Variants in ZNF385B observed in about 807,000 individuals in gnomAD.
The protein encoded by ZNF385B is zinc finger protein 533.
ZNF385B carries 23 observed loss-of-function variants against 39.2 expected under a neutral mutation model. That is an observed-to-expected ratio of 0.59 (90% CI 0.42 to 0.83). The LOEUF (loss-of-function observed/expected upper bound fraction) is 0.83. Among genes scored for constraint, ZNF385B ranks in the 40% least tolerant of loss-of-function variants. The probability of loss-of-function intolerance (pLI) is 0.00; values close to 1 mark genes in which losing one functional copy is unlikely to be tolerated. For missense variants in ZNF385B, 552 were observed against 598.9 expected, an observed-to-expected ratio of 0.92 and a Z score of 0.82; for synonymous variants, 205 against 222.6, an observed-to-expected ratio of 0.92 and a Z score of 0.70.
At chr2:179,809,147 T>C (rs1196758513) in intron 1 of ZNF385B, among the ~76,000 whole-genome samples, 3 of 152,206 alleles carry the variant, frequency 2.0e-5, no homozygotes, top group Non-Finnish European at 4.4e-5. Flanking sequence ...TTAGTATCCA[T>C]GTATTAGTTT....
rs1345533945 is a variant in ZNF385B, at chr2:179,572,240, T to C, written c.299-27271A>G. Reference sequence around the variant, plus strand: ...AATAAAAAAATCCATGTATTCAAAATCCAACTGATTTTCAACGATGGCTAA... The same window carrying C: ...AATAAAAAAATCCATGTATTCAAAACCCAACTGATTTTCAACGATGGCTAA... On this transcript the variant is annotated intron_variant, in intron 3 of 9. Coordinates refer to ENST00000410066, the MANE Select transcript of ZNF385B (RefSeq NM_152520.6). 2.0e-4 allele frequency among the ~76,000 whole-genome samples: 30 copies of C among 152,230 alleles called. 1 individual carries two copies. The highest frequency in any genetic ancestry group is 1.9e-3 in the Admixed American group (29 of 15,294).
intron 3 of ZNF385B, among the ~76,000 whole-genome samples, chr2:179,598,080 T>C (rs191669376): frequency 4.0e-5 from 6 of 151,224 alleles, no homozygotes; most frequent in African/African-American, 9.6e-5. Flanking sequence ...AGTAAAGTGC[T>C]TTTTTTTATA....
intron 1 of ZNF385B, among the ~76,000 whole-genome samples, chr2:179,791,989 T>C (rs1479721447): frequency 6.6e-6 from 1 of 152,162 alleles, no homozygotes; most frequent in Non-Finnish European, 1.5e-5. Context: ...CTCAAACTCC[T>C]GACCTCAAGT....
chr2:179,677,642 T>G (rs768205714), intron 3 of ZNF385B, among the ~76,000 whole-genome samples: 18 of 152,180 alleles, frequency 1.2e-4, no homozygotes, highest in South Asian at 2.1e-4. Context: ...AGCATGTGAC[T>G]TAGATAATAG....
intron 6 of ZNF385B, among the ~76,000 whole-genome samples, chr2:179,449,537 C>T (rs1473970608): frequency 6.6e-6 from 1 of 152,140 alleles, no homozygotes; most frequent in East Asian, 1.9e-4. Flanking sequence ...AGGAATCCAA[C>T]TTACAAGGGA....
intron 6 of ZNF385B, among the ~76,000 whole-genome samples, chr2:179,467,311 C>T (rs941647274): frequency 6.6e-6 from 1 of 152,108 alleles, no homozygotes; most frequent in East Asian, 1.9e-4. Flanking sequence ...CTCATAACAC[C>T]CACTAGTTAG....
chr2:179,444,282 C>T (rs1193381034), intron 9 of ZNF385B, among the ~76,000 whole-genome samples: 1 of 152,106 alleles, frequency 6.6e-6, no homozygotes. Flanking sequence ...GGGCCCAGTC[C>T]CAGGGAGATT....
chr2:179,721,380 A>G (rs935170769), intron 3 of ZNF385B, among the ~76,000 whole-genome samples: 4 of 152,172 alleles, frequency 2.6e-5, no homozygotes, highest in African/African-American at 9.6e-5. Context: ...GATTGGTTAT[A>G]AAGGTGAGTT....
At chr2:179,672,311 G>A (rs1696126495) in intron 3 of ZNF385B, among the ~76,000 whole-genome samples, 1 of 152,218 alleles carries the variant, frequency 6.6e-6, no homozygotes, top group African/African-American at 2.4e-5. Flanking sequence ...TGATTTCAGA[G>A]GCTCACAGCT....
intron 3 of ZNF385B, among the ~76,000 whole-genome samples, chr2:179,633,712 G>A (rs1314992859): frequency 6.6e-6 from 1 of 152,142 alleles, no homozygotes; most frequent in Non-Finnish European, 1.5e-5. Flanking sequence ...GGGCAATCAG[G>A]CAAGGGAAAG....
chr2:179,553,910 C>A (rs1035944923), intron 3 of ZNF385B, among the ~76,000 whole-genome samples: 2 of 148,892 alleles, frequency 1.3e-5, no homozygotes, highest in African/African-American at 5.1e-5. Flanking sequence ...CTGTTCTACA[C>A]CTGTTAAAAG....
chr2:179,819,638 G>C (rs1052667063), intron 1 of ZNF385B, among the ~76,000 whole-genome samples: 2 of 152,166 alleles, frequency 1.3e-5, no homozygotes, highest in African/African-American at 4.8e-5. Context: ...GAGGTGCTCA[G>C]GCCCTCCGAA....
At chr2:179,563,657 A>G (rs938371983) in intron 3 of ZNF385B, among the ~76,000 whole-genome samples, 3 of 152,192 alleles carry the variant, frequency 2.0e-5, no homozygotes, top group Non-Finnish European at 4.4e-5. Flanking sequence ...TCCAGTCTCA[A>G]TCATCTAAGT....
rs370857590 is a variant in ZNF385B, at chr2:179,554,531, CAG to C, written c.299-9564_299-9563del. 5.1e-3 allele frequency among the ~76,000 whole-genome samples: 758 copies of C among 149,030 alleles called. 76 individuals carry two copies. The highest frequency in any genetic ancestry group is 0.019 in the African/African-American group (735 of 39,544). On this transcript the variant is annotated intron_variant, in intron 3 of 9. Coordinates refer to ENST00000410066, the MANE Select transcript of ZNF385B (RefSeq NM_152520.6). ...AAAGGTAAAACCGAAAATAGAAAAA[CAG>C]AGTATCTTTGTGACCTTGGACTAAG...
chr2:179,647,902 T>G (rs1318821025), intron 3 of ZNF385B, among the ~76,000 whole-genome samples: 1 of 152,156 alleles, frequency 6.6e-6, no homozygotes, highest in African/African-American at 2.4e-5. Flanking sequence ...AGCAATTCCT[T>G]TCTAAAGTTA....
rs758077682 is a variant in ZNF385B at position 179,446,751 on chromosome 2, T to C, written c.735A>G (p.Lys245=). ...SDKSEDKGKL[K]ASSSSQPSSS... ...TTGATGGCTGACTGGAACTGCTGGCTTTTAACTTCCCTTTATCTTCTAAGA... is the reference window on the plus strand; with the variant it reads ...TTGATGGCTGACTGGAACTGCTGGCCTTTAACTTCCCTTTATCTTCTAAGA... The change falls in exon 7 of 10, where the codon AAA becomes AAG. Residue 245 remains lysine (K), a synonymous_variant. Coordinates refer to ENST00000410066, the MANE Select transcript of ZNF385B (RefSeq NM_152520.6). 41 of 1,612,362 alleles carry C rather than the reference T, an allele frequency of 2.5e-5. No homozygotes were observed. Among genetic ancestry groups the C allele is most frequent in the Non-Finnish European group, 3.3e-5 (39 of 1,179,548 alleles).
chr2:179,483,456 G>A, intron 5 of ZNF385B, 22 bp from the exon 6 acceptor site: 1 of 1,612,994 alleles, frequency 6.2e-7, no homozygotes, highest in South Asian at 1.1e-5. Flanking sequence ...AACAAATCAG[G>A]CTCATTTTTT....
chr2:179,460,440 A>G (rs1327722960), intron 6 of ZNF385B, among the ~76,000 whole-genome samples: 2 of 152,106 alleles, frequency 1.3e-5, no homozygotes, highest in Non-Finnish European at 2.9e-5. Context: ...AAGTCTACTG[A>G]AAGGTGATAA....
chr2:179,579,369 G>A (rs1259651815), intron 3 of ZNF385B, among the ~76,000 whole-genome samples: 1 of 151,874 alleles, frequency 6.6e-6, no homozygotes, highest in African/African-American at 2.4e-5. Context: ...TTTTATTAAT[G>A]AGAACAAAAT....
Sources: gnomAD v4.1 joint callset for allele counts (sites outside exome capture counted in the v4.1 genomes callset) on GRCh38, gnomAD v4.1.1 for gene constraint, MANE v1.5 for transcripts, NCBI Gene and HGNC (gene_info 2026-07-23, HGNC 2026-07-21) for gene names.